GPC5: variants seen among roughly 807,000 people sequenced by gnomAD.
GPC5 encodes glypican-5.
A neutral mutation model predicts 53.9 loss-of-function variants in GPC5; 47 were observed. That is an observed-to-expected ratio of 0.87 (90% CI 0.69 to 1.11). The LOEUF (loss-of-function observed/expected upper bound fraction) is 1.11. Among genes scored for constraint, GPC5 ranks in the 50% most tolerant of loss-of-function variants. The probability of loss-of-function intolerance (pLI) is 0.00; values close to 1 mark genes in which losing one functional copy is unlikely to be tolerated. For synonymous variants in GPC5, 286 were observed against 263.3 expected, an observed-to-expected ratio of 1.09 and a Z score of -0.84; for missense variants, 748 against 713.1, an observed-to-expected ratio of 1.05 and a Z score of -0.56.
chr13:91,701,198 A>AT (rs1292780268), intron 3 of GPC5, among the ~76,000 whole-genome samples: 4 of 152,238 alleles, frequency 2.6e-5, no homozygotes, highest in Non-Finnish European at 5.9e-5. Context: ...TCATGTACAC[A>AT]TTTTTTTAGT....
chr13:91,629,868 C>A (rs748574989), intron 2 of GPC5, among the ~76,000 whole-genome samples: 19 of 152,052 alleles, frequency 1.2e-4, no homozygotes, highest in Non-Finnish European at 2.4e-4. Context: ...CAAGAAAATC[C>A]TGTGCAGTGA....
chr13:92,767,579 T>A (rs1013789900), intron 7 of GPC5, among the ~76,000 whole-genome samples: 1 of 152,250 alleles, frequency 6.6e-6, no homozygotes, highest in East Asian at 1.9e-4. Flanking sequence ...CAAGATGTGA[T>A]AACTTCACAT....
At chr13:92,813,046 C>A (rs958623803) in intron 7 of GPC5, among the ~76,000 whole-genome samples, 1 of 151,704 alleles carries the variant, frequency 6.6e-6, no homozygotes, top group Non-Finnish European at 1.5e-5. Context: ...TAAAAGACTC[C>A]TATTTTAAAT....
At chr13:92,751,789 G>A (rs766141766) in intron 7 of GPC5, among the ~76,000 whole-genome samples, 1 of 151,960 alleles carries the variant, frequency 6.6e-6, no homozygotes, top group South Asian at 2.1e-4. Context: ...AGCGTATGAG[G>A]GACATGACTT....
At chr13:91,668,659 G>T (rs920711326) in intron 2 of GPC5, among the ~76,000 whole-genome samples, 7 of 152,098 alleles carry the variant, frequency 4.6e-5, no homozygotes, top group Non-Finnish European at 7.3e-5. Context: ...ATACTAGAAT[G>T]TCAGGAGAAC....
chr13:92,633,517 TAA>T (rs1182771591), intron 7 of GPC5, among the ~76,000 whole-genome samples: 1 of 152,172 alleles, frequency 6.6e-6, no homozygotes, highest in Admixed American at 6.5e-5. Flanking sequence ...ATTAAAGGTA[TAA>T]GTGTTAAGTA....
chr13:92,375,583 A>G (rs1475478221), intron 7 of GPC5, among the ~76,000 whole-genome samples: 2 of 152,188 alleles, frequency 1.3e-5, no homozygotes, highest in Non-Finnish European at 2.9e-5. Context: ...AACCAGAGAA[A>G]CAGGCCTGTA....
chr13:91,964,660 C>G (rs1385922229), intron 6 of GPC5, among the ~76,000 whole-genome samples: 1 of 152,142 alleles, frequency 6.6e-6, no homozygotes, highest in Non-Finnish European at 1.5e-5. Context: ...CAGAAAAGTT[C>G]TCCAAATCCC....
intron 7 of GPC5, among the ~76,000 whole-genome samples, chr13:92,430,089 T>C (rs192951366): frequency 8.6e-5 from 13 of 151,466 alleles, no homozygotes; most frequent in Non-Finnish European, 1.0e-4. Context: ...AATAAATAGA[T>C]ACAACTTTTA....
chr13:91,632,476 T>C (rs767277969), intron 2 of GPC5, among the ~76,000 whole-genome samples: 9 of 152,112 alleles, frequency 5.9e-5, no homozygotes, highest in Non-Finnish European at 8.8e-5. Flanking sequence ...CATTTCATTA[T>C]GGAAGATGAA....
intron 7 of GPC5, among the ~76,000 whole-genome samples, chr13:92,277,906 T>C (rs1393646309): frequency 1.3e-5 from 2 of 151,886 alleles, no homozygotes; most frequent in Non-Finnish European, 2.9e-5. Context: ...TAGAAAAATA[T>C]AGTCATATAT....
At chr13:91,475,553 A>G (rs557657070) in intron 2 of GPC5, among the ~76,000 whole-genome samples, 1 of 152,316 alleles carries the variant, frequency 6.6e-6, no homozygotes, top group East Asian at 1.9e-4. Flanking sequence ...ACATCCATTA[A>G]GGTTTGGCTG....
chr13:92,566,426 A>G (rs1376544202), intron 7 of GPC5, among the ~76,000 whole-genome samples: 1 of 152,156 alleles, frequency 6.6e-6, no homozygotes, highest in Non-Finnish European at 1.5e-5. Flanking sequence ...AGGAGATTGA[A>G]TAGAAGAATA....
chr13:92,739,299 T>C (rs1484909245), intron 7 of GPC5, among the ~76,000 whole-genome samples: 1 of 152,102 alleles, frequency 6.6e-6, no homozygotes, highest in Non-Finnish European at 1.5e-5. Context: ...AAGTGAAAAT[T>C]AGAAATAAAT....
At chr13:92,179,007 G>A (rs566144511) in intron 7 of GPC5, among the ~76,000 whole-genome samples, 4 of 152,188 alleles carry the variant, frequency 2.6e-5, no homozygotes, top group African/African-American at 9.6e-5. Context: ...CTAGTTTATT[G>A]TATTTTTAAT....
At chr13:91,791,031 A>AC (rs1394137925) in intron 5 of GPC5, among the ~76,000 whole-genome samples, 4 of 152,162 alleles carry the variant, frequency 2.6e-5, no homozygotes, top group Non-Finnish European at 4.4e-5. Context: ...TTTAACAGAG[A>AC]CTGGATTATT....
chr13:91,839,674 A>T (rs182065918), intron 5 of GPC5, among the ~76,000 whole-genome samples: 269 of 152,254 alleles, frequency 1.8e-3, no homozygotes, highest in African/African-American at 6.2e-3. Flanking sequence ...TTTTCTGTTT[A>T]GGAACCTTTG....
intron 2 of GPC5, among the ~76,000 whole-genome samples, chr13:91,481,072 C>G (rs1017831230): frequency 2.0e-5 from 3 of 151,946 alleles, no homozygotes; most frequent in African/African-American, 7.3e-5. Flanking sequence ...AATCAGCTGG[C>G]TTCTTTCTTC....
chr13:92,749,159 A>G (rs559016980), intron 7 of GPC5, among the ~76,000 whole-genome samples: 2 of 152,320 alleles, frequency 1.3e-5, no homozygotes, highest in East Asian at 3.9e-4. Context: ...TTTAAGTGTC[A>G]CCAGGAAACC....
Sources: allele counts gnomAD v4.1 joint callset (sites outside exome capture counted in the v4.1 genomes callset), GRCh38; gene constraint gnomAD v4.1.1; transcripts MANE v1.5; gene names NCBI Gene and HGNC (gene_info 2026-07-23, HGNC 2026-07-21).